Variants in RBFOX3 observed in about 807,000 individuals in gnomAD.
RBFOX3 encodes RNA binding fox-1 homolog 3.
Under a neutral mutation model 48.7 loss-of-function variants are expected in RBFOX3, and 17 were observed. The ratio of observed to expected loss-of-function variants is 0.35; its 90% CI spans 0.24 to 0.52. The LOEUF (loss-of-function observed/expected upper bound fraction) is 0.52, where lower values mean the gene tolerates loss of function less well. Among genes scored for constraint, RBFOX3 ranks in the 20% least tolerant of loss-of-function variants. The pLI is 0.94. For synonymous variants in RBFOX3, 212 were observed against 209.5 expected (o/e 1.01, Z -0.10); for missense variants, 382 against 497.5 (o/e 0.77, Z 2.21).
intron 4 of RBFOX3, among the ~76,000 whole-genome samples, chr17:79,188,790 G>A (rs781416842): frequency 1.6e-4 from 24 of 152,368 alleles, no homozygotes; most frequent in Non-Finnish European, 3.1e-4. Flanking sequence ...ACATCTGAAA[G>A]CAGCCAGCAC....
chr17:79,325,812 C>T (rs2084442633), intron 2 of RBFOX3, among the ~76,000 whole-genome samples: 1 of 152,204 alleles, frequency 6.6e-6, no homozygotes, highest in South Asian at 2.1e-4. Context: ...GGACTGCTCA[C>T]ACTCCATTAC....
chr17:79,657,800 G>T, the RBFOX3 span, among the ~76,000 whole-genome samples: 24 of 152,302 alleles, frequency 1.6e-4, no homozygotes, highest in African/African-American at 5.5e-4. Flanking sequence ...TACAATGCAG[G>T]TCCCAGGCAT....
Position 79,519,334 on chromosome 17 carries a change from C to T in RBFOX3, c.-319-36736G>A, listed in dbSNP as rs937735127. ...AGCAGAGCAAGAGACCTGCCAGTGACGGCAAGCAAAGGTGTGTCCTGCAAG... is the reference window on the plus strand; with the variant it reads ...AGCAGAGCAAGAGACCTGCCAGTGATGGCAAGCAAAGGTGTGTCCTGCAAG... On this transcript the variant is annotated intron_variant, in intron 1 of 14. Transcript: ENST00000693108. Among the ~76,000 whole-genome samples the T allele has an allele frequency of 1.4e-3, 208 of 152,376 alleles. 1 individual carries two copies. Among genetic ancestry groups the T allele is most frequent in the African/African-American group, 4.7e-3 (195 of 41,594 alleles).
intron 1 of RBFOX3, among the ~76,000 whole-genome samples, chr17:79,572,748 TCA>T (rs2092723967): frequency 1.3e-5 from 2 of 152,206 alleles, no homozygotes; most frequent in African/African-American, 4.8e-5. Flanking sequence ...GCTCATTGTC[TCA>T]CAGCAAAGAC....
intron 4 of RBFOX3, among the ~76,000 whole-genome samples, chr17:79,167,470 T>C (rs1307033242): frequency 6.6e-6 from 1 of 151,790 alleles, no homozygotes; most frequent in Non-Finnish European, 1.5e-5. Context: ...GGACCTTGGC[T>C]CTAGTGGGGC....
intron 2 of RBFOX3, among the ~76,000 whole-genome samples, chr17:79,459,904 G>T (rs1377193157): frequency 6.6e-6 from 1 of 152,150 alleles, no homozygotes; most frequent in East Asian, 1.9e-4. Context: ...ATAGTCAAAC[G>T]TCCCTTGATG....
At chr17:79,183,091 C>A (rs527754109) in intron 4 of RBFOX3, among the ~76,000 whole-genome samples, 4,625 of 148,292 alleles carry the variant, frequency 0.031, 101 homozygotes, top group Non-Finnish European at 0.046. Flanking sequence ...GCTCGGCCGC[C>A]GCGCAGGGGC....
chr17:79,324,178 A>G (rs925746499), intron 2 of RBFOX3, among the ~76,000 whole-genome samples: 16 of 152,142 alleles, frequency 1.1e-4, no homozygotes, highest in Admixed American at 6.5e-5. Context: ...GGGCTGAGGG[A>G]TGAGAAGGGA....
intron 1 of RBFOX3, among the ~76,000 whole-genome samples, chr17:79,545,074 G>T (rs1232052173): frequency 6.6e-6 from 1 of 152,042 alleles, no homozygotes; most frequent in African/African-American, 2.4e-5. Flanking sequence ...AATCCTGGGG[G>T]GAAGGAGCAC....
At chr17:79,457,399 A>T (rs537393018) in intron 2 of RBFOX3, among the ~76,000 whole-genome samples, 2 of 152,278 alleles carry the variant, frequency 1.3e-5, no homozygotes, top group South Asian at 4.1e-4. Flanking sequence ...GAATGGGGGT[A>T]CGGCCTTTCT....
At chr17:79,636,263 G>T in the RBFOX3 span, among the ~76,000 whole-genome samples, 64 of 151,920 alleles carry the variant, frequency 4.2e-4, no homozygotes, top group Middle Eastern at 6.8e-3. Flanking sequence ...TAGAGAAAAA[G>T]GGATTATAAA....
intron 1 of RBFOX3, among the ~76,000 whole-genome samples, chr17:79,573,599 C>T (rs1377530913): frequency 1.3e-5 from 2 of 152,222 alleles, no homozygotes; most frequent in Non-Finnish European, 2.9e-5. Context: ...AAGCTCTCTC[C>T]ATCCTACAGC....
intron 4 of RBFOX3, among the ~76,000 whole-genome samples, chr17:79,180,429 T>TTATC (rs1287407214): frequency 1.3e-5 from 2 of 152,228 alleles, no homozygotes; most frequent in African/African-American, 4.8e-5. Context: ...CCCGCTCTTG[T>TTATC]TATCAAATGT....
intron 4 of RBFOX3, chr17:79,132,927 G>T (rs1280801003): frequency 6.6e-6 from 1 of 152,358 alleles, no homozygotes; most frequent in East Asian, 1.9e-4. Context: ...GGAGGCTCCA[G>T]GTCCTGAGGA....
intron 2 of RBFOX3, among the ~76,000 whole-genome samples, chr17:79,422,874 G>C (rs529287560): frequency 1.1e-4 from 16 of 152,286 alleles, no homozygotes; most frequent in Middle Eastern, 3.4e-3. Flanking sequence ...CTTACAGGAA[G>C]AGACAGCAGG....
chr17:79,131,797 G>A (rs1251144711), intron 4 of RBFOX3, among the ~76,000 whole-genome samples: 1 of 152,190 alleles, frequency 6.6e-6, no homozygotes, highest in Non-Finnish European at 1.5e-5. Context: ...TGATGGCTGA[G>A]AGATGGCCCC....
In RBFOX3 at chr17:79,223,235, C is replaced by T. The variant is rs2059931905; in HGVS notation, c.-34+12531G>A. ...ACAGTTGCCTGTGTATCTGTACACACACACGGTCCCCCTACACACACACAG... is the reference window on the plus strand; with the variant it reads ...ACAGTTGCCTGTGTATCTGTACACATACACGGTCCCCCTACACACACACAG... On this transcript the variant is annotated intron_variant, in intron 4 of 14. Coordinates refer to ENST00000693108, the MANE Select transcript of RBFOX3 (RefSeq NM_001350451.2). Among the ~76,000 whole-genome samples, 3 of 152,158 alleles carry T rather than the reference C, an allele frequency of 2.0e-5. No individual in the cohort carries two copies. The South Asian group carries it at 6.2e-4, about 32-fold the overall frequency.
intron 1 of RBFOX3, among the ~76,000 whole-genome samples, chr17:79,485,076 CG>C (rs35328822): frequency 0.14 from 21,472 of 152,030 alleles, 1,766 homozygotes; most frequent in East Asian, 0.42. Context: ...ACTCCTGCCC[CG>C]CTGCTCTCTC....
chr17:79,218,081 T>A (rs1366681450), intron 4 of RBFOX3, among the ~76,000 whole-genome samples: 2 of 151,960 alleles, frequency 1.3e-5, no homozygotes, highest in African/African-American at 4.8e-5. Flanking sequence ...TACCCACTGG[T>A]GATCCGCAGG....
Sources: allele counts gnomAD v4.1 joint callset (sites outside exome capture counted in the v4.1 genomes callset), GRCh38; gene constraint gnomAD v4.1.1; transcripts MANE v1.5; gene names NCBI Gene and HGNC (gene_info 2026-07-23, HGNC 2026-07-21).